The following LIPH variants were observed in gnomAD, a reference collection of about 807,000 sequenced individuals.
LIPH encodes the protein lipase H.
LIPH carries 32 observed loss-of-function variants against 47.6 expected under a neutral mutation model. The ratio of observed to expected loss-of-function variants is 0.67; its 90% CI spans 0.51 to 0.90. LIPH has a LOEUF of 0.90. LIPH is among the 40% of genes least tolerant of loss of function. LIPH has a pLI of 0.00. For synonymous variants in LIPH, 190 were observed against 195.6 expected, an observed-to-expected ratio of 0.97 and a Z score of 0.24; for missense variants, 497 against 541.4, an observed-to-expected ratio of 0.92 and a Z score of 0.81.
At chr3:185,537,434 TTAAG>T (rs775785919) in intron 1 of LIPH, among the ~76,000 whole-genome samples, 27 of 152,172 alleles carry the variant, frequency 1.8e-4, no homozygotes, top group Admixed American at 6.6e-4. Flanking sequence ...GTGCTCGTGA[TTAAG>T]TATTTTCTCC....
At chr3:185,534,432 G>A (rs1159413550) in intron 2 of LIPH, among the ~76,000 whole-genome samples, 1 of 151,722 alleles carries the variant, frequency 6.6e-6, no homozygotes, top group Non-Finnish European at 1.5e-5. Context: ...CTACCTGTAA[G>A]ACACCTTTAT....
chr3:185,537,989 T>C (rs993065764), intron 1 of LIPH, among the ~76,000 whole-genome samples: 2 of 152,108 alleles, frequency 1.3e-5, no homozygotes, highest in Admixed American at 6.6e-5. Flanking sequence ...ATATTTTTTG[T>C]AGAGACAGGC....
chr3:185,516,224 G>T (rs1719726116), intron 7 of LIPH, among the ~76,000 whole-genome samples: 1 of 152,090 alleles, frequency 6.6e-6, no homozygotes, highest in Admixed American at 6.5e-5. Flanking sequence ...CCTGAGGTCA[G>T]GAGTTTGAGA....
intron 4 of LIPH, among the ~76,000 whole-genome samples, chr3:185,524,716 T>C (rs147782783): frequency 1.9e-3 from 290 of 152,298 alleles, no homozygotes; most frequent in Non-Finnish European, 1.9e-3. Context: ...CCCAAAGCGC[T>C]GGTATTACAG....
At chr3:185,541,394 C>CTTTTTTT (rs11349854) in intron 1 of LIPH, among the ~76,000 whole-genome samples, 2 of 130,812 alleles carry the variant, frequency 1.5e-5, no homozygotes, top group Non-Finnish European at 1.6e-5. Flanking sequence ...ATCTTTCTTT[C>CTTTTTTT]TTTTTTTTTT....
chr3:185,524,042 C>G (rs1719988114), intron 5 of LIPH, 29 bp downstream of exon 5: 1 of 1,502,144 alleles, frequency 6.7e-7, no homozygotes, highest in Admixed American at 1.7e-5. Flanking sequence ...CCTTTTTATA[C>G]CACTATTTTA....
chr3:185,514,346 G>A (rs1364299405), intron 8 of LIPH, 64 bp downstream of exon 8: 1 of 798,216 alleles, frequency 1.3e-6, no homozygotes, highest in Non-Finnish European at 2.3e-6. Flanking sequence ...AGGTGGATTT[G>A]TGATTTAATT....
chr3:185,539,100 C>T (rs1179308868), intron 1 of LIPH, among the ~76,000 whole-genome samples: 1 of 151,704 alleles, frequency 6.6e-6, no homozygotes, highest in Non-Finnish European at 1.5e-5. Context: ...TCCCAAGTAG[C>T]TGGGACTACA....
At chr3:185,540,045 C>T (rs1178837043) in intron 1 of LIPH, among the ~76,000 whole-genome samples, 1 of 152,220 alleles carries the variant, frequency 6.6e-6, no homozygotes, top group Non-Finnish European at 1.5e-5. Context: ...GTGCTGGGGT[C>T]TGAGGCTCTT....
intron 7 of LIPH, among the ~76,000 whole-genome samples, chr3:185,516,348 G>A (rs928801777): frequency 1.1e-4 from 17 of 152,120 alleles, no homozygotes; most frequent in African/African-American, 2.9e-4. Flanking sequence ...CAGGAGGATC[G>A]CGTGAACCCA....
At position 185,552,571 on chromosome 3, in the gene LIPH, A is replaced by G. The variant is rs1721082775; in HGVS notation, c.-100T>C. ...GGGATTTTGCTCACAGTGAGCTCAG[A>G]CGACTCAGAGGTGTGGTGACAACAG... On this transcript the variant is annotated 5_prime_UTR_variant, in exon 1 of 10. Transcript: ENST00000296252. 2 of 845,702 alleles carry G rather than the reference A, an allele frequency of 2.4e-6. No individual in the cohort carries two copies. The highest frequency in any genetic ancestry group is 1.8e-5 in the Admixed American group (1 of 55,882). 52.4% of individuals were successfully genotyped at this position (845,702 alleles called of 1,614,324 possible). A position where few individuals can be genotyped will look rare whatever the true frequency, so the allele number is the denominator to read the frequency against.
At chr3:185,511,491 A>C in intron 9 of LIPH, 33 bp downstream of exon 9, 1 of 1,608,658 alleles carries the variant, frequency 6.2e-7, no homozygotes, top group Non-Finnish European at 8.5e-7. Context: ...TCTTTGGAAA[A>C]CAGCGTTTTG....
intron 5 of LIPH, among the ~76,000 whole-genome samples, chr3:185,523,454 G>C (rs1358338510): frequency 6.6e-6 from 1 of 152,040 alleles, no homozygotes; most frequent in Non-Finnish European, 1.5e-5. Context: ...GCCTAGGTTA[G>C]AGTGCAGTGG....
Position 185,528,746 on chromosome 3 carries a change from GC to G in LIPH, c.527-1162del, listed in dbSNP as rs572952652. Among the ~76,000 whole-genome samples, 271 of 152,202 alleles carry G rather than the reference GC, an allele frequency of 1.8e-3. 1 individual carries two copies. The highest frequency in any genetic ancestry group is 1.9e-3 in the Non-Finnish European group (130 of 68,020). On this transcript the variant is annotated intron_variant, in intron 3 of 9. Transcript: ENST00000296252. The stretch of plus-strand genomic sequence containing the variant: ...TGCAGAATTAACCCGCTCTATAAAT[GC>G]CTAAACCGGTTTCTCACCCTTGGTC...
chr3:185,524,521 C>T (rs1720005305), intron 4 of LIPH, among the ~76,000 whole-genome samples: 1 of 149,770 alleles, frequency 6.7e-6, no homozygotes, highest in South Asian at 2.1e-4. Flanking sequence ...GCAATCTCTG[C>T]TCACTGCAAC....
chr3:185,547,178 C>T (rs1265477878), intron 1 of LIPH, among the ~76,000 whole-genome samples: 1 of 151,718 alleles, frequency 6.6e-6, no homozygotes, highest in East Asian at 1.9e-4. Flanking sequence ...CCATCTCAGA[C>T]CTTGATGAAG....
Position 185,508,720 on chromosome 3 carries a change from G to T in LIPH, c.*70C>A. ...TTTTTCTGCCTTGCAGAAAGGTGAG[G>T]TGAAGCTTTCAAACAGCCTGTGGTT... On this transcript the variant is annotated 3_prime_UTR_variant, in exon 10 of 10. Transcript: ENST00000296252. 2 of 1,130,254 alleles carry T rather than the reference G, an allele frequency of 1.8e-6. No homozygotes were observed. The highest frequency in any genetic ancestry group is 2.7e-6 in the Non-Finnish European group (2 of 739,814). 70.0% of individuals were successfully genotyped at this position (1,130,254 alleles called of 1,614,324 possible). A position where few individuals can be genotyped will look rare whatever the true frequency, so the allele number is the denominator to read the frequency against.
intron 1 of LIPH, 107 bp from the exon 2 acceptor site, chr3:185,535,239 A>G (rs966443973): frequency 2.1e-5 from 28 of 1,334,256 alleles, no homozygotes; most frequent in Non-Finnish European, 2.9e-5. Context: ...TCCTGATAGG[A>G]CCTGGCTAAG....
chr3:185,532,795 TA>T (rs1720374848), intron 3 of LIPH, among the ~76,000 whole-genome samples: 1 of 151,384 alleles, frequency 6.6e-6, no homozygotes, highest in Admixed American at 6.6e-5. Context: ...TTCTCAAAAA[TA>T]AATAAATAAT....
Sources: gnomAD v4.1 joint callset for allele counts (sites outside exome capture counted in the v4.1 genomes callset) on GRCh38, gnomAD v4.1.1 for gene constraint, MANE v1.5 for transcripts, NCBI Gene and HGNC (gene_info 2026-07-23, HGNC 2026-07-21) for gene names.